The following TRPM3 variants were observed in gnomAD, a reference collection of about 807,000 sequenced individuals.
TRPM3 encodes the protein transient receptor potential cation channel subfamily M member 3.
TRPM3 carries 77 observed loss-of-function variants against 181.2 expected under a neutral mutation model. The observed-to-expected ratio is 0.42, with a 90% CI of 0.35 to 0.51. The LOEUF (loss-of-function observed/expected upper bound fraction) is 0.51. Among genes scored for constraint, TRPM3 ranks in the 20% least tolerant of loss-of-function variants. TRPM3 has a pLI of 0.01. For missense variants in TRPM3, 1,759 were observed against 2,196.7 expected, an observed-to-expected ratio of 0.80 and a Z score of 3.98; for synonymous variants, 745 against 796.4, an observed-to-expected ratio of 0.94 and a Z score of 1.09.
intron 7 of TRPM3, among the ~76,000 whole-genome samples, chr9:70,778,139 T>C (rs370363682): frequency 9.1e-4 from 139 of 152,268 alleles, no homozygotes; most frequent in African/African-American, 3.1e-3. Flanking sequence ...CTCTCAGTCA[T>C]CCAGGCTGAC....
intron 6 of TRPM3, among the ~76,000 whole-genome samples, chr9:70,820,865 T>G (rs1259675973): frequency 3.9e-5 from 6 of 152,168 alleles, no homozygotes; most frequent in Non-Finnish European, 4.4e-5. Context: ...TACCTGCCAC[T>G]GTTACTTTAT....
At chr9:71,018,493 A>G (rs2097805537) in intron 1 of TRPM3, among the ~76,000 whole-genome samples, 1 of 151,856 alleles carries the variant, frequency 6.6e-6, no homozygotes, top group African/African-American at 2.4e-5. Context: ...GGTCATCGTC[A>G]TATAGCCAGC....
intron 4 of TRPM3, among the ~76,000 whole-genome samples, chr9:70,846,102 A>G (rs1292807998): frequency 1.3e-5 from 2 of 152,246 alleles, no homozygotes; most frequent in Non-Finnish European, 2.9e-5. Flanking sequence ...CTATTTAAAA[A>G]TATCCTGTGA....
In TRPM3 at chr9:70,576,262, A is replaced by T. The variant is rs77233084; in HGVS notation, c.3223+14769T>A. Among the ~76,000 whole-genome samples the T allele has an allele frequency of 5.1e-3, 779 of 152,232 alleles. 7 individuals are homozygous for T. The highest frequency in any genetic ancestry group is 0.016 in the African/African-American group (684 of 41,548). On this transcript the variant is annotated intron_variant, in intron 22 of 25. Transcript: ENST00000677713. ...AATGGTGGAGGAAGCTCCCTTCCTG[A>T]TTTCCTAATTCTGGAAACCACTGGT...
chr9:71,203,852 A>G (rs1199929247), intron 1 of TRPM3, among the ~76,000 whole-genome samples: 1 of 152,042 alleles, frequency 6.6e-6, no homozygotes, highest in Non-Finnish European at 1.5e-5. Flanking sequence ...CACAATCATC[A>G]TCATCATTAT....
intron 1 of TRPM3, among the ~76,000 whole-genome samples, chr9:71,431,202 A>T (rs1367917404): frequency 6.6e-6 from 1 of 152,188 alleles, no homozygotes; most frequent in Non-Finnish European, 1.5e-5. Flanking sequence ...AGAGAGAGAG[A>T]GAGCCCACTT....
chr9:71,098,881 T>C (rs754933835), intron 1 of TRPM3, among the ~76,000 whole-genome samples: 24 of 152,146 alleles, frequency 1.6e-4, no homozygotes, highest in Admixed American at 8.5e-4. Flanking sequence ...AGACCCACCA[T>C]TGAGGGACTG....
chr9:71,041,340 T>A (rs1336672453), intron 1 of TRPM3, among the ~76,000 whole-genome samples: 1 of 152,170 alleles, frequency 6.6e-6, no homozygotes, highest in Non-Finnish European at 1.5e-5. Flanking sequence ...TTGGGAATTC[T>A]GAAATGATGT....
At chr9:71,104,421 T>G (rs1013896289) in intron 1 of TRPM3, among the ~76,000 whole-genome samples, 1 of 152,196 alleles carries the variant, frequency 6.6e-6, no homozygotes, top group Admixed American at 6.5e-5. Flanking sequence ...CAAAAACATA[T>G]CGAATGCTTC....
intron 22 of TRPM3, among the ~76,000 whole-genome samples, chr9:70,573,972 T>TCACACACA (rs59193514): frequency 0.019 from 2,693 of 140,964 alleles, 38 homozygotes; most frequent in African/African-American, 0.027. Context: ...GCAATTCATT[T>TCACACACA]CACACACACA....
chr9:70,574,033 GGATT>G (rs1282002572), intron 22 of TRPM3, among the ~76,000 whole-genome samples: 1 of 141,022 alleles, frequency 7.1e-6, no homozygotes, highest in Non-Finnish European at 1.5e-5. Context: ...CACCATGCTT[GGATT>G]GATTTAGAAA....
At chr9:71,278,626 A>C (rs1229890038) in intron 1 of TRPM3, among the ~76,000 whole-genome samples, 1 of 152,200 alleles carries the variant, frequency 6.6e-6, no homozygotes, top group African/African-American at 2.4e-5. Context: ...ATATGACATC[A>C]AAGGCTTACA....
intron 3 of TRPM3, among the ~76,000 whole-genome samples, chr9:70,848,226 G>A (rs554445452): frequency 2.5e-4 from 38 of 152,104 alleles, no homozygotes; most frequent in Non-Finnish European, 5.0e-4. Flanking sequence ...TAATTAAAAT[G>A]TAATAATTAA....
At position 70,598,690 on chromosome 9, in the gene TRPM3, G is replaced by A. The variant is rs199841517; in HGVS notation, c.2797-20C>T. 4.3e-6 allele frequency: 7 copies of A among 1,609,442 alleles called. No individual in the cohort carries two copies. Among genetic ancestry groups the A allele is most frequent in the Non-Finnish European group, 5.9e-6 (7 of 1,176,700 alleles). ...CAGAATCTATAAGGCAGGAAGGAGAGCAGAGTTAGGTCTGGTTTCTGTCTG... is the reference window on the plus strand; with the variant it reads ...CAGAATCTATAAGGCAGGAAGGAGAACAGAGTTAGGTCTGGTTTCTGTCTG... On this transcript the variant is annotated intron_variant, in intron 20 of 25. Transcript: ENST00000677713.
rs2084196765 is a variant in TRPM3, at chr9:70,787,788, CTTTTTATT to C, written c.974-3517_974-3510del. Among the ~76,000 whole-genome samples, 17 of 42,524 alleles carry C rather than the reference CTTTTTATT, an allele frequency of 4.0e-4. No homozygotes were observed. In the South Asian group the frequency reaches 0.015, roughly 37 times the overall value. The allele number at this position is 42,524 out of a possible 152,430, so 27.9% of individuals were successfully genotyped here. A position where few individuals can be genotyped will look rare whatever the true frequency, so the allele number is the denominator to read the frequency against. ...CTTTTTTTTTTTTTTTTTTTTTTTG[CTTTTTATT>C]TTTTTATTTTATTTTTTTAATGTTT... On this transcript the variant is annotated intron_variant, in intron 6 of 25. Transcript: ENST00000677713.
intron 4 of TRPM3, among the ~76,000 whole-genome samples, chr9:70,843,887 G>T (rs145316376): frequency 3.3e-5 from 5 of 152,208 alleles, no homozygotes; most frequent in African/African-American, 1.2e-4. Context: ...TATCCTCTAC[G>T]AAAAGATGTT....
At chr9:71,417,998 A>G (rs568299886) in intron 1 of TRPM3, among the ~76,000 whole-genome samples, 1 of 151,968 alleles carries the variant, frequency 6.6e-6, no homozygotes, top group South Asian at 2.1e-4. Context: ...GAAGGACATG[A>G]AAAATATAAA....
chr9:70,930,382 A>G (rs1190264829), intron 1 of TRPM3, among the ~76,000 whole-genome samples: 1 of 152,220 alleles, frequency 6.6e-6, no homozygotes, highest in Non-Finnish European at 1.5e-5. Context: ...AGGATTCAGC[A>G]TGTCATAAAA....
At chr9:70,603,677 C>T (rs2060484925) in intron 19 of TRPM3, among the ~76,000 whole-genome samples, 1 of 152,172 alleles carries the variant, frequency 6.6e-6, no homozygotes, top group African/African-American at 2.4e-5. Context: ...TCCTTTTGAC[C>T]TGTACATGTA....
Sources: gnomAD v4.1 joint callset for allele counts (sites outside exome capture counted in the v4.1 genomes callset) on GRCh38, gnomAD v4.1.1 for gene constraint, MANE v1.5 for transcripts, NCBI Gene and HGNC (gene_info 2026-07-23, HGNC 2026-07-21) for gene names.